The following GPRC5A variants were observed in gnomAD, a reference collection of about 807,000 sequenced individuals.
GPRC5A encodes the protein retinoic acid-induced protein 3.
Under a neutral mutation model 22.5 loss-of-function variants are expected in GPRC5A, and 19 were observed. That is an observed-to-expected ratio of 0.85 (90% CI 0.59 to 1.24). The LOEUF (loss-of-function observed/expected upper bound fraction) is 1.24, where lower values mean the gene tolerates loss of function less well. Among genes scored for constraint, GPRC5A ranks in the 50% most tolerant of loss-of-function variants. The probability of loss-of-function intolerance (pLI) is 0.00; values close to 1 mark genes in which losing one functional copy is unlikely to be tolerated. For missense variants in GPRC5A, 471 were observed against 451.1 expected (o/e 1.04, Z -0.40); for synonymous variants, 192 against 184.5 (o/e 1.04, Z -0.33).
intron 1 of GPRC5A, among the ~76,000 whole-genome samples, chr12:12,898,904 A>G (rs965846786): frequency 1.3e-5 from 2 of 152,178 alleles, no homozygotes; most frequent in Non-Finnish European, 2.9e-5. Flanking sequence ...AAACCCCACT[A>G]GGTAGAATGG....
chr12:12,897,225 C>CT (rs1035816748), intron 1 of GPRC5A, among the ~76,000 whole-genome samples: 1 of 40,420 alleles, frequency 2.5e-5, no homozygotes, highest in African/African-American at 8.6e-5. Flanking sequence ...AAGACCCTGT[C>CT]TTAAAAAAAA....
Position 12,908,306 on chromosome 12 carries a change from A to G in GPRC5A, c.57A>G (p.Arg19=), listed in dbSNP as rs1459068222. The G allele has an allele frequency of 1.9e-6, 3 of 1,612,586 alleles. No individual in the cohort carries two copies. Among genetic ancestry groups the G allele is most frequent in the East Asian group, 2.2e-5 (1 of 44,874 alleles). ...ATGGCCTGAAATCCAAGTACTACAG[A>G]CTTTGTGATAAGGCTGAAGCTTGGG... is the stretch of plus-strand genomic sequence containing the variant. The part of the protein sequence containing the change: ...CRNGLKSKYY[R]LCDKAEAWGI... The change falls in exon 2 of 4, where the codon AGA becomes AGG. Residue 19 remains arginine, a synonymous_variant. Coordinates refer to ENST00000014914, the MANE Select transcript of GPRC5A (RefSeq NM_003979.4).
chr12:12,895,149 C>A (rs937731320), intron 1 of GPRC5A, among the ~76,000 whole-genome samples: 2 of 152,124 alleles, frequency 1.3e-5, no homozygotes, highest in African/African-American at 2.4e-5. Context: ...AATATAATAT[C>A]TTTTTGCTTT....
At chr12:12,904,033 A>C (rs1296548420) in intron 1 of GPRC5A, among the ~76,000 whole-genome samples, 1 of 152,180 alleles carries the variant, frequency 6.6e-6, no homozygotes, top group East Asian at 1.9e-4. Flanking sequence ...GGAGAGGGAG[A>C]GATCAAAGGG....
chr12:12,896,479 G>T (rs1438352414), intron 1 of GPRC5A, among the ~76,000 whole-genome samples: 1 of 152,162 alleles, frequency 6.6e-6, no homozygotes, highest in African/African-American at 2.4e-5. Flanking sequence ...CCTTTATCAA[G>T]GGCAGAGGGA....
chr12:12,914,496 A>T lies in GPRC5A; in HGVS notation c.*1957A>T, dbSNP rs753218405. 7.2e-5 allele frequency: 11 copies of T among 151,928 alleles called. No homozygotes were observed. Among genetic ancestry groups the T allele is most frequent in the Non-Finnish European group, 1.5e-4 (10 of 68,002 alleles). 9.4% of individuals were successfully genotyped at this position (151,928 alleles called of 1,614,324 possible). ...ATCTATCATAGGCTAGGGACTCAAG[A>T]AATGCATATTCCCCCCCCACTTTCT... On this transcript the variant is annotated 3_prime_UTR_variant, in exon 4 of 4. Transcript: ENST00000014914.
At chr12:12,907,369 C>T (rs571190656) in intron 1 of GPRC5A, among the ~76,000 whole-genome samples, 16 of 133,312 alleles carry the variant, frequency 1.2e-4, no homozygotes, top group Non-Finnish European at 2.1e-4. Flanking sequence ...CCACTGCACT[C>T]CAGCCTGGGC....
In GPRC5A at chr12:12,917,277, A is replaced by G. The variant is rs1020965163; in HGVS notation, c.*4738A>G. 2 of 147,190 alleles carry G rather than the reference A, an allele frequency of 1.4e-5. No individual in the cohort carries two copies. Among genetic ancestry groups the G allele is most frequent in the African/African-American group, 5.1e-5 (2 of 39,454 alleles). 9.1% of individuals were successfully genotyped at this position (147,190 alleles called of 1,614,324 possible). On this transcript the variant is annotated 3_prime_UTR_variant, in exon 4 of 4. Coordinates refer to ENST00000014914, the MANE Select transcript of GPRC5A (RefSeq NM_003979.4). ...GCGTGCGTGCGTGTATGTGCGCCTG[A>G]CCCTGATTTCTGCAACCTCCAGATT...
chr12:12,910,221 G>C (rs1305274042), intron 2 of GPRC5A, among the ~76,000 whole-genome samples: 1 of 152,100 alleles, frequency 6.6e-6, no homozygotes, highest in African/African-American at 2.4e-5. Flanking sequence ...TTAAGCCTGA[G>C]GTGTGGAACT....
chr12:12,904,144 C>T (rs774306168), intron 1 of GPRC5A, among the ~76,000 whole-genome samples: 5 of 152,014 alleles, frequency 3.3e-5, no homozygotes, highest in Non-Finnish European at 7.4e-5. Flanking sequence ...TCCTTCCGCT[C>T]GCCGCCCTTG....
intron 2 of GPRC5A, among the ~76,000 whole-genome samples, chr12:12,911,740 G>A (rs1864007535): frequency 1.3e-5 from 2 of 152,052 alleles, no homozygotes; most frequent in Admixed American, 6.6e-5. Flanking sequence ...TGCCCACCTC[G>A]GCCGCCCAAA....
chr12:12,901,642 T>C (rs1368231012), intron 1 of GPRC5A, among the ~76,000 whole-genome samples: 1 of 151,972 alleles, frequency 6.6e-6, no homozygotes, highest in Non-Finnish European at 1.5e-5. Flanking sequence ...CACAGAGCCT[T>C]TGAGTCTAGA....
At chr12:12,905,893 G>A (rs1863937047) in intron 1 of GPRC5A, among the ~76,000 whole-genome samples, 1 of 152,190 alleles carries the variant, frequency 6.6e-6, no homozygotes, top group Non-Finnish European at 1.5e-5. Flanking sequence ...TTCTCACTTT[G>A]TGGATGGTCC....
chr12:12,896,688 AG>A (rs1863825437), intron 1 of GPRC5A, among the ~76,000 whole-genome samples: 1 of 152,152 alleles, frequency 6.6e-6, no homozygotes, highest in African/African-American at 2.4e-5. Context: ...GTACAGAGTA[AG>A]GGGGATACCA....
intron 1 of GPRC5A, among the ~76,000 whole-genome samples, chr12:12,895,363 T>A (rs1261122281): frequency 7.0e-6 from 1 of 143,010 alleles, no homozygotes; most frequent in Non-Finnish European, 1.6e-5. Flanking sequence ...CTAGGTATGA[T>A]ATAGTTTAGT....
intron 1 of GPRC5A, among the ~76,000 whole-genome samples, chr12:12,897,291 CATGAT>C (rs1184446592): frequency 6.8e-6 from 1 of 147,998 alleles, no homozygotes; most frequent in African/African-American, 2.5e-5. Flanking sequence ...TTAAAAAACT[CATGAT>C]AGAGGTTAAA....
chr12:12,914,568 C>CTTTCTTTCTTTCTTTCT lies in GPRC5A; in HGVS notation c.*2032_*2048dup, dbSNP rs1864040416. ...TCCTTTCTTCTTTCTTTCTTTCTTT[C>CTTTCTTTCTTTCTTTCT]TTTCTTTCTTTCTTTCTTTCTTTCT... On this transcript the variant is annotated 3_prime_UTR_variant, in exon 4 of 4. Transcript: ENST00000014914. The CTTTCTTTCTTTCTTTCT allele has an allele frequency of 1.4e-5, 1 of 72,558 alleles. No homozygotes were observed. The highest frequency in any genetic ancestry group is 2.4e-5 in the Non-Finnish European group (1 of 41,054). 4.5% of individuals were successfully genotyped at this position (72,558 alleles called of 1,614,324 possible). A position where few individuals can be genotyped will look rare whatever the true frequency, so the allele number is the denominator to read the frequency against.
chr12:12,892,425 T>C (rs1863769668), intron 1 of GPRC5A, among the ~76,000 whole-genome samples: 2 of 152,130 alleles, frequency 1.3e-5, no homozygotes, highest in Admixed American at 6.5e-5. Flanking sequence ...TGGAGTACAA[T>C]GTTGCGATCT....
chr12:12,893,063 G>A (rs912789277), intron 1 of GPRC5A, among the ~76,000 whole-genome samples: 3 of 152,216 alleles, frequency 2.0e-5, no homozygotes, highest in African/African-American at 7.2e-5. Flanking sequence ...AGGGCAGAAT[G>A]GAATGAGCAG....
Sources: gnomAD v4.1 joint callset for allele counts (sites outside exome capture counted in the v4.1 genomes callset) on GRCh38, gnomAD v4.1.1 for gene constraint, MANE v1.5 for transcripts, NCBI Gene and HGNC (gene_info 2026-07-23, HGNC 2026-07-21) for gene names.